The following SVEP1 variants were observed in gnomAD, a reference collection of about 807,000 sequenced individuals.
SVEP1 encodes sushi, von Willebrand factor type A, EGF and pentraxin domain containing 1, also known as sushi, von Willebrand factor type A, EGF and pentraxin domain-containing protein 1.
A neutral mutation model predicts 367.3 loss-of-function variants in SVEP1; 164 were observed. The ratio of observed to expected loss-of-function variants is 0.45; its 90% CI spans 0.39 to 0.51. The LOEUF (loss-of-function observed/expected upper bound fraction) is 0.51. Ranked by LOEUF, SVEP1 falls within the 20% of genes least tolerant of loss-of-function variation. SVEP1 has a pLI of 0.00. For synonymous variants in SVEP1, 1,666 were observed against 1,611.6 expected, an observed-to-expected ratio of 1.03 and a Z score of -0.81; for missense variants, 4,117 against 4,425.3, an observed-to-expected ratio of 0.93 and a Z score of 1.98.
intron 18 of SVEP1, among the ~76,000 whole-genome samples, chr9:110,463,198 T>C (rs986681692): frequency 8.5e-6 from 1 of 118,144 alleles, no homozygotes; most frequent in African/African-American, 3.3e-5. Context: ...TCTTCTCCTA[T>C]AGATCATATA....
intron 36 of SVEP1, among the ~76,000 whole-genome samples, chr9:110,416,290 C>T (rs1178046343): frequency 6.6e-6 from 1 of 151,420 alleles, no homozygotes; most frequent in Non-Finnish European, 1.5e-5. Context: ...AAGAAAGACT[C>T]AAAATTCTAT....
Position 110,407,296 on chromosome 9 carries a change from T to C in SVEP1, c.8304A>G (p.Pro2768=), listed in dbSNP as rs1437622405. 1.2e-6 allele frequency: 2 copies of C among 1,613,866 alleles called. No individual in the cohort carries two copies. The highest frequency in any genetic ancestry group is 1.3e-5 in the African/African-American group (1 of 74,918). ...TTTTGCATGAAATGGCTTCACAGCG[T>C]GGGGAGGCACCACTCCACTTTCTAT... ...LENRKWSGAS[P]RCEAISCKKP... Residue 2768 remains proline (P), a synonymous_variant, in exon 38 of 48, where the codon CCA becomes CCG. Transcript: ENST00000374469.
intron 43 of SVEP1, among the ~76,000 whole-genome samples, chr9:110,383,083 C>CCAATTCTGTGCT (rs1420161047): frequency 6.6e-6 from 1 of 152,176 alleles, no homozygotes; most frequent in East Asian, 1.9e-4. Flanking sequence ...TAGCCTCTGC[C>CCAATTCTGTGCT]CAATTCTGTG....
chr9:110,536,813 A>G (rs1033399594), intron 3 of SVEP1, among the ~76,000 whole-genome samples: 1 of 151,954 alleles, frequency 6.6e-6, no homozygotes, highest in African/African-American at 2.4e-5. Flanking sequence ...CGTCATTTAC[A>G]TTAGGTATCC....
At chr9:110,395,872 A>G (rs9722244) in intron 40 of SVEP1, among the ~76,000 whole-genome samples, 39,781 of 151,852 alleles carry the variant, frequency 0.26, 5,528 homozygotes, top group Middle Eastern at 0.38. Context: ...AGTGACCTAC[A>G]AAGAGACTTA....
In SVEP1 at chr9:110,426,176, A is replaced by T. The variant is rs573994899; in HGVS notation, c.5975+1415T>A. 3.9e-5 allele frequency among the ~76,000 whole-genome samples: 6 copies of T among 152,338 alleles called. No individual in the cohort carries two copies. In the South Asian group the frequency reaches 1.2e-3, roughly 32 times the overall value. ...TTAAAGATTCCTTGTTCACTTAAGA[A>T]GATGTTAAGATTTGGGCTTCAGTTA... On this transcript the variant is annotated intron_variant, in intron 36 of 47. Coordinates refer to ENST00000374469, the MANE Select transcript of SVEP1 (RefSeq NM_153366.4).
Position 110,406,670 on chromosome 9 carries a change from G to C in SVEP1, c.8930C>G (p.Pro2977Arg). The change falls in exon 38 of 48, where the codon CCT becomes CGT. Residue 2977 changes from proline (P) to arginine (R), a missense_variant. Transcript: ENST00000374469. ...TGAATTTCCATGGAGCTTATAACCA[G>C]GAAAGCACTGATACTGTATATGGCC... is the stretch of plus-strand genomic sequence containing the variant. ...HGGHIQYQCF[P>R]GYKLHGNSSR... is the part of the protein sequence containing the mutation. The C allele has an allele frequency of 6.2e-7, 1 of 1,613,950 alleles. No homozygotes were observed. The highest frequency in any genetic ancestry group is 1.3e-5 in the African/African-American group (1 of 75,036).
intron 3 of SVEP1, among the ~76,000 whole-genome samples, chr9:110,538,435 C>T (rs1274876733): frequency 6.6e-6 from 1 of 152,162 alleles, no homozygotes; most frequent in Non-Finnish European, 1.5e-5. Context: ...TTTTGGTTTT[C>T]ATTCAAGAAT....
In SVEP1 at chr9:110,579,638, A is replaced by G. The variant is rs1830670533; in HGVS notation, c.-95T>C. 7.2e-6 allele frequency: 10 copies of G among 1,388,776 alleles called. No homozygotes were observed. The highest frequency in any genetic ancestry group is 9.3e-6 in the Non-Finnish European group (10 of 1,071,390). The allele number at this position is 1,388,776 out of a possible 1,614,324, so 86.0% of individuals were successfully genotyped here. A position where few individuals can be genotyped will look rare whatever the true frequency, so the allele number is the denominator to read the frequency against. ...CGGACTCGCAGAGGGGCGTGCGCGG[A>G]GCTGGGCGCGGGGCAGCGGCCAAGA... On this transcript the variant is annotated 5_prime_UTR_variant, in exon 1 of 48. Coordinates refer to ENST00000374469, the MANE Select transcript of SVEP1 (RefSeq NM_153366.4). This position sits in a 1 kb window ranked among gnomAD's most constrained non-coding sequence, Gnocchi z 5.3.
intron 17 of SVEP1, among the ~76,000 whole-genome samples, chr9:110,466,751 A>G (rs1053489206): frequency 9.9e-6 from 1 of 101,434 alleles, no homozygotes; most frequent in African/African-American, 4.2e-5. Flanking sequence ...ACAGAGCGAG[A>G]CTCCATCTCA....
intron 45 of SVEP1, chr9:110,377,058 TTTAGATGGATC>T (rs3831124): frequency 0.14 from 58,918 of 428,594 alleles, 4,185 homozygotes; most frequent in African/African-American, 0.2. Flanking sequence ...TGAAAATGAC[TTTAGATGGATC>T]TTAATAACAG....
intron 1 of SVEP1, among the ~76,000 whole-genome samples, chr9:110,564,407 C>A (rs1272435997): frequency 6.6e-6 from 1 of 152,106 alleles, no homozygotes; most frequent in Non-Finnish European, 1.5e-5. Flanking sequence ...GAAAATCTAA[C>A]CATTACCTTG....
intron 17 of SVEP1, 41 bp from the exon 18 acceptor site, chr9:110,466,067 A>C (rs1564150803): frequency 6.3e-7 from 1 of 1,586,324 alleles, no homozygotes; most frequent in Admixed American, 1.7e-5. Context: ...TAATGATATT[A>C]AGCTGCATAA....
At chr9:110,578,517 G>A (rs567653976) in intron 1 of SVEP1, among the ~76,000 whole-genome samples, 1 of 152,160 alleles carries the variant, frequency 6.6e-6, no homozygotes, top group East Asian at 1.9e-4. Context: ...ACAAAAGTCC[G>A]ACATCCCAAA....
intron 3 of SVEP1, among the ~76,000 whole-genome samples, chr9:110,522,557 T>C (rs1829889029): frequency 6.6e-6 from 1 of 152,198 alleles, no homozygotes; most frequent in South Asian, 2.1e-4. Flanking sequence ...TTAACAGCTT[T>C]TACAACTGTA....
Position 110,489,231 on chromosome 9 carries a change from G to T in SVEP1, c.1930+419C>A, listed in dbSNP as rs185111883. Among the ~76,000 whole-genome samples the T allele has an allele frequency of 2.0e-4, 30 of 152,322 alleles. No individual in the cohort carries two copies. In the East Asian group the frequency reaches 4.1e-3, roughly 21 times the overall value. On this transcript the variant is annotated intron_variant, in intron 9 of 47. Coordinates refer to ENST00000374469, the MANE Select transcript of SVEP1 (RefSeq NM_153366.4). The stretch of plus-strand genomic sequence containing the variant: ...TCATAAAGGAGAAGTGGTCTCTGGG[G>T]TTCTGGATTGCTTTCATAAACCTGC...
At chr9:110,494,123 T>C (rs971062484) in intron 8 of SVEP1, among the ~76,000 whole-genome samples, 2 of 152,228 alleles carry the variant, frequency 1.3e-5, no homozygotes, top group Admixed American at 1.3e-4. Flanking sequence ...CAGTCCTTAC[T>C]TTCATCACAT....
At chr9:110,413,422 G>C (rs1220335558) in intron 36 of SVEP1, among the ~76,000 whole-genome samples, 1 of 147,920 alleles carries the variant, frequency 6.8e-6, no homozygotes, top group Admixed American at 6.7e-5. Context: ...GGATAGCTTT[G>C]GGAGATATAC....
At chr9:110,502,541 G>A (rs894576295) in intron 6 of SVEP1, among the ~76,000 whole-genome samples, 5 of 151,680 alleles carry the variant, frequency 3.3e-5, no homozygotes, top group African/African-American at 1.2e-4. Context: ...AACAATTCTG[G>A]TTATATCCTT....
Sources: allele counts gnomAD v4.1 joint callset (sites outside exome capture counted in the v4.1 genomes callset), GRCh38; gene constraint gnomAD v4.1.1; non-coding constraint Gnocchi (gnomAD v3.1); transcripts MANE v1.5; gene names NCBI Gene and HGNC (gene_info 2026-07-23, HGNC 2026-07-21).